The following MAEL variants were observed in gnomAD, a reference collection of about 807,000 sequenced individuals.
MAEL encodes protein maelstrom homolog.
MAEL carries 46 observed loss-of-function variants against 62.0 expected under a neutral mutation model. The ratio of observed to expected loss-of-function variants is 0.74; its 90% confidence interval spans 0.59 to 0.95. The LOEUF is 0.95. Ranked by LOEUF, MAEL falls within the 40% of genes least tolerant of loss-of-function variation. MAEL has a pLI of 0.00. For missense variants in MAEL, 497 were observed against 526.8 expected (o/e 0.94, Z 0.55); for synonymous variants, 172 against 175.5 (o/e 0.98, Z 0.16).
intron 8 of MAEL, among the ~76,000 whole-genome samples, chr1:167,008,466 TG>T (rs1665024756): frequency 6.6e-6 from 1 of 152,076 alleles, no homozygotes; most frequent in Non-Finnish European, 1.5e-5. Flanking sequence ...TCTGTTTCAA[TG>T]GTTATCTTGT....
chr1:166,993,391 A>G lies in MAEL; in HGVS notation c.481+550A>G, dbSNP rs190269807. Among the ~76,000 whole-genome samples the G allele has an allele frequency of 4.0e-3, 602 of 152,310 alleles. 3 individuals are homozygous for G. Among genetic ancestry groups the G allele is most frequent in the Middle Eastern group, 0.01 (3 of 294 alleles). On this transcript the variant is annotated intron_variant, in intron 4 of 11. Transcript: ENST00000367872. The stretch of plus-strand genomic sequence containing the variant: ...CTCTTCCTACTGTTCCATCCCATTA[A>G]AAAGCAAGGTAGGTATGAAGACATA...
At chr1:166,980,869 G>T (rs1663739836) in intron 1 of MAEL, among the ~76,000 whole-genome samples, 1 of 152,168 alleles carries the variant, frequency 6.6e-6, no homozygotes, top group Non-Finnish European at 1.5e-5. Context: ...CGATGAAGCT[G>T]CCTTGGGCTC....
chr1:167,010,605 G>C (rs976888807), intron 8 of MAEL, among the ~76,000 whole-genome samples: 1 of 151,930 alleles, frequency 6.6e-6, no homozygotes, highest in Non-Finnish European at 1.5e-5. Flanking sequence ...GCCACCATGC[G>C]TACCTAGTTA....
At chr1:167,000,342 GTTCAAGAC>G (rs1288329794) in intron 5 of MAEL, among the ~76,000 whole-genome samples, 3 of 152,222 alleles carry the variant, frequency 2.0e-5, no homozygotes, top group Non-Finnish European at 4.4e-5. Flanking sequence ...ACTTTGAGCA[GTTCAAGAC>G]TTCAGTGGAA....
chr1:167,019,315 A>G (rs942432753), intron 10 of MAEL, among the ~76,000 whole-genome samples: 4 of 152,072 alleles, frequency 2.6e-5, no homozygotes, highest in Admixed American at 2.6e-4. Context: ...CTTCATCACC[A>G]CTATCTGTGT....
At chr1:166,989,195 G>GT (rs1002231188), upstream of MAEL, 83 of 984,518 alleles carry the variant, frequency 8.4e-5, no homozygotes, top group South Asian at 4.9e-4. Flanking sequence ...CAGGCTGTTT[G>GT]TTCCCCCGCG....
chr1:166,994,090 T>C (rs375510731), intron 5 of MAEL, 21 bp downstream of exon 5: 1 of 1,608,326 alleles, frequency 6.2e-7, no homozygotes, highest in African/African-American at 1.3e-5. Flanking sequence ...AGGAATGGGG[T>C]AGGATTTGTG....
intron 5 of MAEL, among the ~76,000 whole-genome samples, chr1:167,003,968 TAC>T (rs144565754): frequency 2.0e-5 from 3 of 152,112 alleles, no homozygotes; most frequent in Non-Finnish European, 4.4e-5. Flanking sequence ...TTGTCTCTCA[TAC>T]ACACACAGAC....
At chr1:167,016,382 G>A in intron 9 of MAEL, 98 bp downstream of exon 9, 9 of 1,067,284 alleles carry the variant, frequency 8.4e-6, no homozygotes, top group Admixed American at 3.6e-5. Context: ...GGGTAACTCT[G>A]TTTCCACAAT....
chr1:166,988,446 T>C (rs1376599191), upstream of MAEL, among the ~76,000 whole-genome samples: 1 of 151,948 alleles, frequency 6.6e-6, no homozygotes, highest in Non-Finnish European at 1.5e-5. Context: ...CCATTCTTGA[T>C]TTTAAAACAT....
At chr1:166,978,975 C>G (rs1663679068) in intron 1 of MAEL, among the ~76,000 whole-genome samples, 1 of 152,186 alleles carries the variant, frequency 6.6e-6, no homozygotes, top group Non-Finnish European at 1.5e-5. Context: ...CAGCAAAGCT[C>G]TACACTAGAG....
At chr1:167,005,805 T>G (rs2102100419) in intron 8 of MAEL, among the ~76,000 whole-genome samples, 1 of 152,356 alleles carries the variant, frequency 6.6e-6, no homozygotes, top group Admixed American at 6.5e-5. Context: ...ATTCTCTGTT[T>G]CCTTAATTGC....
At chr1:166,989,141 C>T, upstream of MAEL, 2 of 662,136 alleles carry the variant, frequency 3.0e-6, no homozygotes, top group Admixed American at 3.0e-5. Flanking sequence ...GCGCTCTCCC[C>T]CCACCTCACC....
intron 8 of MAEL, among the ~76,000 whole-genome samples, chr1:167,011,459 T>C (rs954546232): frequency 3.9e-5 from 6 of 152,200 alleles, no homozygotes; most frequent in South Asian, 2.1e-4. Flanking sequence ...AAATTTCACA[T>C]TGAGTCATTC....
chr1:166,989,674 C>A, intron 1 of MAEL, 63 bp from the exon 2 acceptor site: 1 of 1,526,818 alleles, frequency 6.5e-7, no homozygotes, highest in Non-Finnish European at 8.9e-7. Flanking sequence ...CATCTGCCTG[C>A]GGGCCCTAGA....
intron 5 of MAEL, among the ~76,000 whole-genome samples, chr1:166,997,034 G>A (rs1036393782): frequency 6.6e-6 from 1 of 152,166 alleles, no homozygotes; most frequent in Non-Finnish European, 1.5e-5. Flanking sequence ...CACCATGTTG[G>A]CCAGGCTGGT....
At chr1:166,986,141 G>C (rs1663906211), upstream of MAEL, among the ~76,000 whole-genome samples, 2 of 151,994 alleles carry the variant, frequency 1.3e-5, no homozygotes. Flanking sequence ...ATGAAACAGA[G>C]AAAAAAGACT....
intron 8 of MAEL, among the ~76,000 whole-genome samples, chr1:167,006,600 A>AATATATAT (rs1268446290): frequency 4.3e-5 from 2 of 45,998 alleles, no homozygotes; most frequent in Non-Finnish European, 8.4e-5. Context: ...CTGGTTTTTT[A>AATATATAT]CTATATATAT....
chr1:167,013,191 G>A (rs1440007546), intron 8 of MAEL, among the ~76,000 whole-genome samples: 2 of 152,178 alleles, frequency 1.3e-5, no homozygotes, highest in African/African-American at 2.4e-5. Flanking sequence ...AGCGGTTTGG[G>A]TAGTGTCAGC....
Sources: gnomAD v4.1 joint callset for allele counts (sites outside exome capture counted in the v4.1 genomes callset) on GRCh38, gnomAD v4.1.1 for gene constraint, MANE v1.5 for transcripts, NCBI Gene and HGNC (gene_info 2026-07-23, HGNC 2026-07-21) for gene names.